Variants in TYMS observed in about 807,000 individuals in gnomAD.
TYMS encodes thymidylate synthase.
TYMS carries 21 observed loss-of-function variants against 39.3 expected under a neutral mutation model. The observed-to-expected ratio is 0.54, with a 90% CI of 0.38 to 0.77. TYMS has a LOEUF of 0.77. TYMS is among the 30% of genes least tolerant of loss of function. The probability of loss-of-function intolerance (pLI) is 0.00; values close to 1 mark genes in which losing one functional copy is unlikely to be tolerated. For missense variants in TYMS, 273 were observed against 406.7 expected (o/e 0.67, Z 2.83); for synonymous variants, 171 against 162.2 (o/e 1.05, Z -0.41).
rs35143366 is a variant in TYMS, at chr18:670,472, C to T, written c.557-220C>T. 4,504 of 547,648 alleles carry T rather than the reference C, an allele frequency of 8.2e-3. 161 individuals carry two copies. The highest frequency in any genetic ancestry group is 0.077 in the African/African-American group (4,050 of 52,830). The allele number at this position is 547,648 out of a possible 1,614,324, so 33.9% of individuals were successfully genotyped here. On this transcript the variant is annotated intron_variant, in intron 4 of 6. Transcript: ENST00000323274. ...TCTGATGGAAGAGCATTGCTTCAGC[C>T]GTAAATGGACACCTGCAGAAACCTT...
chr18:670,847 G>A lies in TYMS; in HGVS notation c.712G>A (p.Ala238Thr). ...ASYALLTYMI[A>T]HITGLKPGDF... The stretch of plus-strand genomic sequence containing the variant: ...CTACGCCCTGCTCACGTACATGATT[G>A]CGCACATCACGGGCCTGAAGGTGGG... The change falls in exon 5 of 7, where the codon GCG becomes ACG. Residue 238 changes from alanine to threonine, a missense_variant. Ala to Thr is a moderately conservative substitution (Grantham distance 58). Around this residue, in one of 3 missense-constraint regions of TYMS, gnomAD observed 228 missense variants for 326.1 expected, o/e 0.70. Transcript: ENST00000323274. 6.2e-7 allele frequency: 1 copy of A among 1,614,098 alleles called. No homozygotes were observed. The highest frequency in any genetic ancestry group is 8.5e-7 in the Non-Finnish European group (1 of 1,180,032).
intron 3 of TYMS, among the ~76,000 whole-genome samples, chr18:666,950 G>A: frequency 3.2e-5 from 1 of 31,350 alleles, no homozygotes. Flanking sequence ...GATGGTGATG[G>A]TGATGGAGAT....
Position 658,197 on chromosome 18 carries a change from C to A in TYMS, c.205+250C>A, listed in dbSNP as rs778164405. 6.5e-7 allele frequency: 1 copy of A among 1,537,274 alleles called. No individual in the cohort carries two copies. The highest frequency in any genetic ancestry group is 8.8e-7 in the Non-Finnish European group (1 of 1,138,402). On this transcript the variant is annotated intron_variant, in intron 1 of 6. Coordinates refer to ENST00000323274, the MANE Select transcript of TYMS (RefSeq NM_001071.4). The surrounding 1 kb of genome is among the most constrained non-coding windows in gnomAD (Gnocchi z 4.5). ...AAGCCGCGTCCCAGCGGCTCCGCGG[C>A]CGGGCTCGCAGTCGCCCCAGTGATG...
intron 3 of TYMS, among the ~76,000 whole-genome samples, 156 bp from the exon 4 acceptor site, chr18:668,916 G>A (rs1309986921): frequency 6.6e-6 from 1 of 152,142 alleles, no homozygotes; most frequent in Non-Finnish European, 1.5e-5. Context: ...TCAACCCACC[G>A]AGATCTGCAA....
At chr18:670,001 CA>C (rs1442704199) in intron 4 of TYMS, among the ~76,000 whole-genome samples, 1 of 150,192 alleles carries the variant, frequency 6.7e-6, no homozygotes, top group African/African-American at 2.5e-5. Flanking sequence ...ATCAGGATAT[CA>C]TAAGTACTTA....
chr18:672,623 C>G (rs1303462950), intron 6 of TYMS: 2 of 348,734 alleles, frequency 5.7e-6, no homozygotes, highest in Non-Finnish European at 1.0e-5. Flanking sequence ...TGATGAGGCA[C>G]CAGGCTCCTG....
chr18:672,850 T>G lies in TYMS; in HGVS notation c.805-10T>G. 6.4e-7 allele frequency: 1 copy of G among 1,553,482 alleles called. No individual in the cohort carries two copies. The highest frequency in any genetic ancestry group is 8.8e-7 in the Non-Finnish European group (1 of 1,136,588). The stretch of plus-strand genomic sequence containing the variant: ...ATTATGGCAAAATAATGGCCTTATT[T>G]TGTTTTTAGCTTCAGCGAGAACCCA... On this transcript the variant is annotated splice_polypyrimidine_tract_variant and intron_variant, in intron 6 of 6. Transcript: ENST00000323274.
chr18:670,621 GTTTTACT>G (rs2074999334), intron 4 of TYMS, 64 bp from the exon 5 acceptor site: 2 of 1,549,040 alleles, frequency 1.3e-6, no homozygotes, highest in Non-Finnish European at 1.8e-6. Context: ...TTTCTCTCCT[GTTTTACT>G]TTGCCTTTAG....
In TYMS at chr18:662,309, A is replaced by C. The variant is rs1329031476; in HGVS notation, c.443A>C (p.Asp148Ala). Residue 148 changes from aspartate (D) to alanine (A), a missense_variant, in exon 3 of 7, where the codon GAT (aspartate) becomes GCT (alanine). Around this residue, in one of 3 missense-constraint regions of TYMS, gnomAD observed 228 missense variants for 326.1 expected, o/e 0.70. Coordinates refer to ENST00000323274, the MANE Select transcript of TYMS (RefSeq NM_001071.4). The part of the protein sequence containing the change: ...QWRHFGAEYR[D>A]MESDYSGQGV... ...AGGCATTTTGGGGCAGAATACAGAG[A>C]TATGGAATCAGGTGAGGAGATAGAA... 2.5e-6 allele frequency: 4 copies of C among 1,610,572 alleles called. No individual in the cohort carries two copies. The highest frequency in any genetic ancestry group is 3.4e-6 in the Non-Finnish European group (4 of 1,179,004).
intron 2 of TYMS, among the ~76,000 whole-genome samples, chr18:661,647 G>A (rs2847153): frequency 0.22 from 34,102 of 152,176 alleles, 3,993 homozygotes; most frequent in East Asian, 0.36. Flanking sequence ...GGATCAGACT[G>A]TCCTAAAGCC....
rs755495533 is a variant in TYMS at position 658,723 on chromosome 18, A to T, written c.205+776A>T. ...GTCCTGCCGTCCTGGATCCTGCGCCAGCTGCGCGGGGGAGGGGACTCGAAG... is the reference window on the plus strand; with the variant it reads ...GTCCTGCCGTCCTGGATCCTGCGCCTGCTGCGCGGGGGAGGGGACTCGAAG... On this transcript the variant is annotated intron_variant, in intron 1 of 6. Transcript: ENST00000323274. This position sits in a 1 kb window ranked among gnomAD's most constrained non-coding sequence, Gnocchi z 4.5. 5 of 209,658 alleles carry T rather than the reference A, an allele frequency of 2.4e-5. No homozygotes were observed. The highest frequency in any genetic ancestry group is 4.8e-5 in the Non-Finnish European group (5 of 104,190). 13.0% of individuals were successfully genotyped at this position (209,658 alleles called of 1,614,324 possible).
At chr18:666,205 A>T (rs2074812372) in intron 3 of TYMS, among the ~76,000 whole-genome samples, 1 of 150,786 alleles carries the variant, frequency 6.6e-6, no homozygotes, top group Non-Finnish European at 1.5e-5. Flanking sequence ...CACTTTCCAT[A>T]CTGTGTCATC....
Position 672,989 on chromosome 18 carries a change from G to T in TYMS, c.934G>T (p.Ala312Ser). 6.4e-7 allele frequency: 1 copy of T among 1,564,314 alleles called. No individual in the cohort carries two copies. The highest frequency in any genetic ancestry group is 1.2e-5 in the South Asian group (1 of 86,130). Reference protein sequence around the residue: ...NPHPTIKMEMAV With the variant: ...NPHPTIKMEMSV ...GCATCCAACTATTAAAATGGAAATG[G>T]CTGTTTAGGGTGCTTTCAAAGGAGC... The change falls in exon 7 of 7, where the codon GCT becomes TCT. Residue 312 changes from alanine to serine, a missense_variant. Physicochemically the swap from Ala to Ser is moderately conservative, Grantham distance 99. This residue lies in a region of TYMS where 35 missense variants were observed against 42.4 expected (regional missense o/e 0.83). Transcript: ENST00000323274.
rs540748913 is a variant in TYMS at position 673,319 on chromosome 18, G to A, written c.*322G>A. On this transcript the variant is annotated 3_prime_UTR_variant, in exon 7 of 7. Coordinates refer to ENST00000323274, the MANE Select transcript of TYMS (RefSeq NM_001071.4). Reference sequence around the variant, plus strand: ...ATCCCACGTACTTATAAAGAAGGTTGGTGAATTTCACAAGCTATTTTTGGA... The same window carrying A: ...ATCCCACGTACTTATAAAGAAGGTTAGTGAATTTCACAAGCTATTTTTGGA... 21 of 240,760 alleles carry A rather than the reference G, an allele frequency of 8.7e-5. No homozygotes were observed. In the East Asian group the frequency reaches 1.3e-3, roughly 15 times the overall value. 14.9% of individuals were successfully genotyped at this position (240,760 alleles called of 1,614,324 possible). A position where few individuals can be genotyped will look rare whatever the true frequency, so the allele number is the denominator to read the frequency against.
chr18:658,137 G>T lies in TYMS; in HGVS notation c.205+190G>T. The T allele has an allele frequency of 6.3e-7, 1 of 1,587,014 alleles. No individual in the cohort carries two copies. The highest frequency in any genetic ancestry group is 8.5e-7 in the Non-Finnish European group (1 of 1,169,994). On this transcript the variant is annotated intron_variant, in intron 1 of 6. Transcript: ENST00000323274. The surrounding 1 kb of genome is among the most constrained non-coding windows in gnomAD (Gnocchi z 4.5). ...GGGTCCCATTAGGGACGTGACTGGCGCGGGCAACACACACAGCAGCGACAG... is the reference window on the plus strand; with the variant it reads ...GGGTCCCATTAGGGACGTGACTGGCTCGGGCAACACACACAGCAGCGACAG...
chr18:657,760 G>A lies in TYMS; in HGVS notation c.18G>A (p.Ser6=). 7.0e-7 allele frequency: 1 copy of A among 1,421,572 alleles called. No individual in the cohort carries two copies. The allele number at this position is 1,421,572 out of a possible 1,614,324, so 88.1% of individuals were successfully genotyped here. ...GCCGCGCCATGCCTGTGGCCGGCTC[G>A]GAGCTGCCGCGCCGGCCCTTGCCCC... MPVAG[S]ELPRRPLPPA... is the part of the protein sequence containing the mutation. The change falls in exon 1 of 7, where the codon TCG becomes TCA. Residue 6 remains serine, a synonymous_variant. Transcript: ENST00000323274.
In TYMS at chr18:657,975, G is replaced by A. The variant is rs1392479043; in HGVS notation, c.205+28G>A. 4.6e-6 allele frequency: 7 copies of A among 1,509,190 alleles called. No individual in the cohort carries two copies. The South Asian group carries it at 8.0e-5, about 17-fold the overall frequency. 93.5% of individuals were successfully genotyped at this position (1,509,190 alleles called of 1,614,324 possible). The stretch of plus-strand genomic sequence containing the variant: ...GACGCCGCGGGCCCCTGCGGGACGG[G>A]TGGCGGGAAGGAGGGAGGCGCGGCT... On this transcript the variant is annotated intron_variant, in intron 1 of 6. Transcript: ENST00000323274.
intron 3 of TYMS, among the ~76,000 whole-genome samples, chr18:667,517 T>A (rs1334309011): frequency 1.4e-4 from 8 of 55,268 alleles, no homozygotes; most frequent in African/African-American, 2.4e-4. Context: ...ATGGTGATGG[T>A]GATGGTGATG....
At chr18:659,575 C>T (rs1260842316) in intron 1 of TYMS, 66 bp from the exon 2 acceptor site, 1 of 1,452,424 alleles carries the variant, frequency 6.9e-7, no homozygotes, top group Non-Finnish European at 9.7e-7. Context: ...GTTTTCTTCC[C>T]TGAAGAAAGT....
Sources: gnomAD v4.1 joint callset for allele counts (sites outside exome capture counted in the v4.1 genomes callset) on GRCh38, gnomAD v4.1.1 for gene constraint, gnomAD v4.1.1 regional missense constraint, Gnocchi (gnomAD v3.1) non-coding constraint, MANE v1.5 for transcripts, NCBI Gene and HGNC (gene_info 2026-07-23, HGNC 2026-07-21) for gene names.